The following CCNY variants were observed in gnomAD, a reference collection of about 807,000 sequenced individuals.
CCNY encodes the protein cyclin-Y.
Under a neutral mutation model 42.8 loss-of-function variants are expected in CCNY, and 19 were observed. The observed-to-expected ratio is 0.44, with a 90% CI of 0.31 to 0.65. The LOEUF (loss-of-function observed/expected upper bound fraction) is 0.65. Ranked by LOEUF, CCNY falls within the 30% of genes least tolerant of loss-of-function variation. CCNY has a pLI of 0.07. For synonymous variants in CCNY, 165 were observed against 162.7 expected (o/e 1.01, Z -0.11); for missense variants, 370 against 437.3 (o/e 0.85, Z 1.37).
intron 3 of CCNY, among the ~76,000 whole-genome samples, chr10:35,312,041 GT>G (rs1486162539): frequency 6.6e-6 from 1 of 151,596 alleles, no homozygotes; most frequent in Admixed American, 6.6e-5. Context: ...TTGCCATTAT[GT>G]TTACCTTGCA....
chr10:35,457,332 C>T (rs916262553), intron 1 of CCNY, among the ~76,000 whole-genome samples: 1 of 152,180 alleles, frequency 6.6e-6, no homozygotes, highest in African/African-American at 2.4e-5. Context: ...CCCGTCGCAG[C>T]CTGGTGCTGC....
chr10:35,400,728 G>A (rs548908511), intron 1 of CCNY, among the ~76,000 whole-genome samples: 4 of 152,260 alleles, frequency 2.6e-5, no homozygotes, highest in South Asian at 4.2e-4. Context: ...AAGCAAGGGC[G>A]TGTTTTCTCC....
At chr10:35,458,679 T>TA (rs1486425328) in intron 1 of CCNY, among the ~76,000 whole-genome samples, 2 of 152,184 alleles carry the variant, frequency 1.3e-5, no homozygotes, top group Non-Finnish European at 2.9e-5. Context: ...TCCGCATCTG[T>TA]AGCCTCAGCT....
chr10:35,558,087 A>C (rs535251058), intron 8 of CCNY, among the ~76,000 whole-genome samples: 76 of 152,350 alleles, frequency 5.0e-4, no homozygotes, highest in African/African-American at 1.8e-3. Context: ...TGAGCCTACC[A>C]ACCCCTGCTT....
chr10:35,506,049 A>T (rs753282384), intron 3 of CCNY, among the ~76,000 whole-genome samples: 1 of 152,250 alleles, frequency 6.6e-6, no homozygotes, highest in Non-Finnish European at 1.5e-5. Flanking sequence ...AGCTACATCT[A>T]GGAACTGAAA....
chr10:35,314,480 T>C (rs1293603599), intron 3 of CCNY: 1 of 151,850 alleles, frequency 6.6e-6, no homozygotes, highest in African/African-American at 2.4e-5. Context: ...CCACAACACG[T>C]GGGAATTGTG....
At position 35,530,985 on chromosome 10, in the gene CCNY, A is replaced by T. The variant is rs2135424195; in HGVS notation, c.579+742A>T. Among the ~76,000 whole-genome samples, 2 of 152,296 alleles carry T rather than the reference A, an allele frequency of 1.3e-5. 1 individual carries two copies. The highest frequency in any genetic ancestry group is 4.8e-5 in the African/African-American group (2 of 41,556). On this transcript the variant is annotated intron_variant, in intron 7 of 9. Transcript: ENST00000374704. The surrounding 1 kb of genome is among the most constrained non-coding windows in gnomAD (Gnocchi z 4.3). ...CTTGGAAGGCTGAGGTGAAAGGATC[A>T]CTTAAGCCCAGGAGGTCAGGCTGCA...
intron 1 of CCNY, among the ~76,000 whole-genome samples, chr10:35,480,613 A>G (rs574786051): frequency 6.6e-6 from 1 of 152,326 alleles, no homozygotes; most frequent in African/African-American, 2.4e-5. Context: ...GAGGCAGTCC[A>G]GCCACTCAGA....
At chr10:35,418,257 T>A (rs764061900) in intron 1 of CCNY, among the ~76,000 whole-genome samples, 1 of 152,140 alleles carries the variant, frequency 6.6e-6, no homozygotes, top group Non-Finnish European at 1.5e-5. Flanking sequence ...GAGCTTTTTC[T>A]ACACCAAATG....
At chr10:35,502,840 G>A (rs909561057) in intron 3 of CCNY, among the ~76,000 whole-genome samples, 1 of 151,796 alleles carries the variant, frequency 6.6e-6, no homozygotes, top group Non-Finnish European at 1.5e-5. Context: ...TTCTTTGCCT[G>A]CTGGGTGCAC....
intron 3 of CCNY, among the ~76,000 whole-genome samples, chr10:35,314,186 T>C (rs1261773803): frequency 1.3e-5 from 2 of 152,138 alleles, no homozygotes; most frequent in Non-Finnish European, 2.9e-5. Flanking sequence ...ATCACACTCA[T>C]ATTAGTCTGT....
chr10:35,373,215 A>G (rs1836977007), intron 1 of CCNY, among the ~76,000 whole-genome samples: 1 of 152,106 alleles, frequency 6.6e-6, no homozygotes, highest in Non-Finnish European at 1.5e-5. Context: ...CTCTCTATTC[A>G]TTTAATTAAT....
chr10:35,526,146 T>G (rs537009780), intron 5 of CCNY, 147 bp downstream of exon 5: 8 of 717,298 alleles, frequency 1.1e-5, no homozygotes, highest in Non-Finnish European at 1.5e-5. Context: ...TATAATTTAC[T>G]AAAACTTCCC....
At position 35,307,475 on chromosome 10, in the gene CCNY, C is replaced by T. The variant is rs141576484; in HGVS notation, c.-9+56849C>T. On this transcript the variant is annotated intron_variant, in intron 3 of 11. Transcript: ENST00000374706. ...GCTTGCAAGTTGTTAAGCCAACAAA[C>T]ATTAAGCACCTATTCCTGTGACTCA... Among the ~76,000 whole-genome samples, 657 of 152,252 alleles carry T rather than the reference C, an allele frequency of 4.3e-3. 1 individual carries two copies. The highest frequency in any genetic ancestry group is 0.037 in the Middle Eastern group (11 of 294).
intron 3 of CCNY, among the ~76,000 whole-genome samples, chr10:35,327,186 G>C (rs2135101011): frequency 6.6e-6 from 1 of 152,114 alleles, no homozygotes; most frequent in Non-Finnish European, 1.5e-5. Context: ...AGAAGGAACA[G>C]AGGAAAAAAA....
intron 5 of CCNY, 103 bp from the exon 6 acceptor site, chr10:35,529,870 C>CAA: frequency 9.1e-7 from 1 of 1,094,950 alleles, no homozygotes; most frequent in Non-Finnish European, 1.3e-6. Flanking sequence ...ACTCCGTATC[C>CAA]CAAAAAAAAA....
intron 3 of CCNY, among the ~76,000 whole-genome samples, chr10:35,259,126 A>T (rs970843249): frequency 2.0e-5 from 3 of 152,052 alleles, no homozygotes; most frequent in Non-Finnish European, 4.4e-5. Flanking sequence ...TGACAAAGAG[A>T]TTCTGCCCGG....
intron 1 of CCNY, among the ~76,000 whole-genome samples, chr10:35,382,881 G>T (rs917123667): frequency 6.6e-6 from 1 of 152,002 alleles, no homozygotes; most frequent in Non-Finnish European, 1.5e-5. Context: ...AAATCCAAAA[G>T]GTAAAAAACA....
upstream of CCNY, among the ~76,000 whole-genome samples, chr10:35,332,744 A>G (rs983087254): frequency 4.6e-5 from 7 of 152,038 alleles, no homozygotes; most frequent in African/African-American, 1.4e-4. Flanking sequence ...AGCTGGAGCT[A>G]TAGGCGCCCA....
Sources: allele counts gnomAD v4.1 joint callset (sites outside exome capture counted in the v4.1 genomes callset), GRCh38; gene constraint gnomAD v4.1.1; non-coding constraint Gnocchi (gnomAD v3.1); transcripts MANE v1.5; gene names NCBI Gene and HGNC (gene_info 2026-07-23, HGNC 2026-07-21).